ZBTB20: variants seen among roughly 807,000 people sequenced by gnomAD.
ZBTB20 encodes the protein zinc finger and BTB domain-containing protein 20.
In ZBTB20, 9 loss-of-function variants were observed where a neutral mutation model predicts 56.9. The ratio of observed to expected loss-of-function variants is 0.16; its 90% CI spans 0.10 to 0.28. The LOEUF is 0.28. Ranked by LOEUF, ZBTB20 falls within the 10% of genes least tolerant of loss-of-function variation. ZBTB20 has a pLI of 1.00. For synonymous variants in ZBTB20, 417 were observed against 420.7 expected (o/e 0.99, Z 0.11); for missense variants, 655 against 1,003.0 (o/e 0.65, Z 4.69).
At chr3:114,965,164 C>CA (rs899637618) in intron 3 of ZBTB20, among the ~76,000 whole-genome samples, 47 of 151,990 alleles carry the variant, frequency 3.1e-4, no homozygotes, top group African/African-American at 1.1e-3. Context: ...AATTTTCTGC[C>CA]TTTTGAAAAT....
In ZBTB20 at chr3:114,463,304, G is replaced by A. The variant is rs368907995; in HGVS notation, c.-255+37048C>T. Among the ~76,000 whole-genome samples the A allele has an allele frequency of 7.2e-5, 11 of 152,214 alleles. No homozygotes were observed. In the East Asian group the frequency reaches 1.4e-3, roughly 19 times the overall value. ...AGATATATACAGACATATTGGGTACGGTAGCTTGAATATTTTTAGACATCT... is the reference window on the plus strand; with the variant it reads ...AGATATATACAGACATATTGGGTACAGTAGCTTGAATATTTTTAGACATCT... On this transcript the variant is annotated intron_variant, in intron 7 of 11. Coordinates refer to ENST00000675478, the MANE Select transcript of ZBTB20 (RefSeq NM_001348800.3).
intron 7 of ZBTB20, among the ~76,000 whole-genome samples, chr3:114,413,582 C>A (rs944128717): frequency 5.3e-5 from 8 of 152,090 alleles, no homozygotes; most frequent in African/African-American, 1.9e-4. Context: ...GGACCATAAG[C>A]CTGAACCAGA....
chr3:114,931,672 A>G (rs902599757), intron 3 of ZBTB20, among the ~76,000 whole-genome samples: 4 of 152,170 alleles, frequency 2.6e-5, no homozygotes, highest in Non-Finnish European at 4.4e-5. Flanking sequence ...TTTTGGTAAT[A>G]ACAAAGGTTT....
At chr3:114,539,557 G>A (rs928915606) in intron 6 of ZBTB20, among the ~76,000 whole-genome samples, 2 of 152,008 alleles carry the variant, frequency 1.3e-5, no homozygotes, top group African/African-American at 2.4e-5. Context: ...GGTAAGCCTC[G>A]AGGACAGAAT....
intron 2 of ZBTB20, among the ~76,000 whole-genome samples, chr3:115,014,636 G>C (rs1000127112): frequency 1.2e-4 from 18 of 151,318 alleles, no homozygotes; most frequent in African/African-American, 4.4e-4. Context: ...AATCTCCTAG[G>C]CTCTTAGTCT....
chr3:114,848,657 C>T (rs904988975), intron 4 of ZBTB20, among the ~76,000 whole-genome samples: 1 of 152,152 alleles, frequency 6.6e-6, no homozygotes, highest in Non-Finnish European at 1.5e-5. Flanking sequence ...GTTTCTAATC[C>T]TCTGCCTTTG....
intron 6 of ZBTB20, among the ~76,000 whole-genome samples, chr3:114,548,798 C>A (rs1009022512): frequency 6.6e-6 from 1 of 152,118 alleles, no homozygotes; most frequent in Admixed American, 6.5e-5. Context: ...GGATTACATG[C>A]GTGAGCCACC....
At chr3:114,697,388 T>C (rs1419479126) in intron 5 of ZBTB20, among the ~76,000 whole-genome samples, 2 of 152,002 alleles carry the variant, frequency 1.3e-5, no homozygotes, top group South Asian at 4.1e-4. Flanking sequence ...GGTCACGATG[T>C]CTCATTTAAA....
intron 3 of ZBTB20, among the ~76,000 whole-genome samples, chr3:114,969,105 T>C (rs2077766735): frequency 6.6e-6 from 1 of 152,354 alleles, no homozygotes; most frequent in Admixed American, 6.5e-5. Context: ...GTGCTTATTA[T>C]ATCTCCCTGT....
intron 6 of ZBTB20, among the ~76,000 whole-genome samples, chr3:114,635,419 C>T (rs1246873008): frequency 6.6e-6 from 1 of 152,056 alleles, no homozygotes; most frequent in African/African-American, 2.4e-5. Context: ...CTACAAGGAA[C>T]ACAAAGAGTC....
intron 7 of ZBTB20, among the ~76,000 whole-genome samples, chr3:114,433,044 A>C (rs565425772): frequency 1.6e-4 from 25 of 152,336 alleles, no homozygotes; most frequent in African/African-American, 6.0e-4. Context: ...ATCTGACATT[A>C]TGAATCTGTT....
intron 6 of ZBTB20, among the ~76,000 whole-genome samples, chr3:114,629,767 G>A (rs1219962692): frequency 6.6e-6 from 1 of 152,160 alleles, no homozygotes; most frequent in Non-Finnish European, 1.5e-5. Flanking sequence ...AGACCATATA[G>A]CAATTTGAAT....
intron 4 of ZBTB20, among the ~76,000 whole-genome samples, chr3:114,860,466 T>C (rs1377364110): frequency 1.3e-5 from 2 of 152,036 alleles, no homozygotes; most frequent in Non-Finnish European, 1.5e-5. Flanking sequence ...TCAAGAATGG[T>C]TGTCATAATG....
intron 7 of ZBTB20, among the ~76,000 whole-genome samples, chr3:114,442,749 A>T (rs760180571): frequency 6.6e-6 from 1 of 152,092 alleles, no homozygotes; most frequent in Non-Finnish European, 1.5e-5. Flanking sequence ...TATCCACTGA[A>T]ACCTTGAAGG....
chr3:114,739,591 C>A (rs1415857918), intron 5 of ZBTB20, among the ~76,000 whole-genome samples: 1 of 152,140 alleles, frequency 6.6e-6, no homozygotes, highest in African/African-American at 2.4e-5. Context: ...AATTTGATCC[C>A]AATTCCTATT....
intron 6 of ZBTB20, among the ~76,000 whole-genome samples, chr3:114,581,724 T>G (rs561382939): frequency 1.8e-4 from 27 of 152,092 alleles, no homozygotes; most frequent in Admixed American, 5.2e-4. Flanking sequence ...GAGATATTAT[T>G]CAATTCCGAT....
intron 3 of ZBTB20, among the ~76,000 whole-genome samples, chr3:114,912,303 G>A (rs909765168): frequency 1.3e-5 from 2 of 150,178 alleles, no homozygotes; most frequent in Non-Finnish European, 3.0e-5. Flanking sequence ...GATACTAGAT[G>A]ATAAAATAAA....
At chr3:114,634,051 T>C (rs985886393) in intron 6 of ZBTB20, among the ~76,000 whole-genome samples, 2 of 152,166 alleles carry the variant, frequency 1.3e-5, no homozygotes, top group African/African-American at 4.8e-5. Flanking sequence ...AGTATTCCAT[T>C]CGTTAACATA....
chr3:115,044,388 A>C (rs1393804667), intron 2 of ZBTB20, among the ~76,000 whole-genome samples: 1 of 152,232 alleles, frequency 6.6e-6, no homozygotes, highest in Non-Finnish European at 1.5e-5. Flanking sequence ...GGTATCAGGC[A>C]TACTTTTTTC....
Sources: gnomAD v4.1 joint callset for allele counts (sites outside exome capture counted in the v4.1 genomes callset) on GRCh38, gnomAD v4.1.1 for gene constraint, MANE v1.5 for transcripts, NCBI Gene and HGNC (gene_info 2026-07-23, HGNC 2026-07-21) for gene names.